The following ROR1 variants were observed in gnomAD, a reference collection of about 807,000 sequenced individuals.
ROR1 encodes inactive tyrosine-protein kinase transmembrane receptor ROR1.
ROR1 carries 19 observed loss-of-function variants against 78.8 expected under a neutral mutation model. The ratio of observed to expected loss-of-function variants is 0.24; its 90% CI spans 0.17 to 0.35. The LOEUF (loss-of-function observed/expected upper bound fraction) is 0.35, where lower values mean the gene tolerates loss of function less well. ROR1 is among the 10% of genes least tolerant of loss of function. The pLI, the probability that ROR1 is intolerant of heterozygous loss-of-function variation, is 1.00. For synonymous variants in ROR1, 386 were observed against 433.6 expected (o/e 0.89, Z 1.36); for missense variants, 917 against 1,177.8 (o/e 0.78, Z 3.24).
intron 4 of ROR1, among the ~76,000 whole-genome samples, chr1:64,132,897 T>C (rs563576283): frequency 2.0e-4 from 30 of 152,064 alleles, no homozygotes; most frequent in Admixed American, 5.2e-4. Context: ...TATATTCTGA[T>C]GAGGAAGAAA....
intron 8 of ROR1, among the ~76,000 whole-genome samples, chr1:64,170,374 G>A (rs539518702): frequency 1.3e-4 from 20 of 152,270 alleles, no homozygotes; most frequent in South Asian, 4.1e-4. Flanking sequence ...GCCACAGCAC[G>A]AGCTGTACCT....
chr1:64,011,745 A>C (rs1201212548), intron 2 of ROR1, among the ~76,000 whole-genome samples: 1 of 152,210 alleles, frequency 6.6e-6, no homozygotes, highest in African/African-American at 2.4e-5. Flanking sequence ...CTTTCTCTAG[A>C]AGGTAATTAG....
At chr1:63,845,994 T>C (rs531597635) in intron 1 of ROR1, among the ~76,000 whole-genome samples, 1 of 152,326 alleles carries the variant, frequency 6.6e-6, no homozygotes, top group Admixed American at 6.5e-5. Context: ...TCTGGAATAC[T>C]GATTTTTGGG....
chr1:63,806,567 C>T (rs765455745), intron 1 of ROR1, among the ~76,000 whole-genome samples: 21 of 152,210 alleles, frequency 1.4e-4, no homozygotes, highest in East Asian at 1.9e-4. Flanking sequence ...TCCGCCCGCC[C>T]TGGCCTCCCA....
At chr1:64,058,970 A>G (rs908625991) in intron 4 of ROR1, among the ~76,000 whole-genome samples, 2 of 152,118 alleles carry the variant, frequency 1.3e-5, no homozygotes, top group Admixed American at 6.5e-5. Flanking sequence ...TCATCATGGG[A>G]AGTTTTAAAA....
rs188211196 is a variant in ROR1 at position 63,942,965 on chromosome 1, C to G, written c.92-66340C>G. On this transcript the variant is annotated intron_variant, in intron 1 of 8. Transcript: ENST00000371079. ...ATTAGCCAGGCATGGTGGAGCGTGACGATTGTCCCAGCTACTCAGGAGGCT... is the reference window on the plus strand; with the variant it reads ...ATTAGCCAGGCATGGTGGAGCGTGAGGATTGTCCCAGCTACTCAGGAGGCT... Among the ~76,000 whole-genome samples, 12 of 151,896 alleles carry G rather than the reference C, an allele frequency of 7.9e-5. No homozygotes were observed. In the South Asian group the frequency reaches 2.5e-3, roughly 32 times the overall value.
chr1:63,983,360 G>C (rs1353808668), intron 1 of ROR1, among the ~76,000 whole-genome samples: 1 of 152,180 alleles, frequency 6.6e-6, no homozygotes, highest in African/African-American at 2.4e-5. Flanking sequence ...GATCTGATTG[G>C]TCTTGAGAAT....
Position 63,774,554 on chromosome 1 carries a change from G to A in ROR1, c.91+46G>A. The A allele has an allele frequency of 4.4e-6, 4 of 914,024 alleles. No individual in the cohort carries two copies. Among genetic ancestry groups the A allele is most frequent in the Non-Finnish European group, 5.2e-6 (4 of 768,434 alleles). The allele number at this position is 914,024 out of a possible 1,614,324, so 56.6% of individuals were successfully genotyped here. On this transcript the variant is annotated intron_variant, in intron 1 of 8. Transcript: ENST00000371079. This position sits in a 1 kb window ranked among gnomAD's most constrained non-coding sequence, Gnocchi z 5.7. ...CCCGCCCGCCCAGACCCCCTGACCCGTGGCCACCCTTCCGCCGTCCAGCCG... is the reference window on the plus strand; with the variant it reads ...CCCGCCCGCCCAGACCCCCTGACCCATGGCCACCCTTCCGCCGTCCAGCCG...
At chr1:63,995,215 A>T (rs1646327512) in intron 1 of ROR1, among the ~76,000 whole-genome samples, 1 of 152,144 alleles carries the variant, frequency 6.6e-6, no homozygotes, top group Non-Finnish European at 1.5e-5. Context: ...TTACATGGAA[A>T]ATTATTTTTT....
chr1:63,850,392 G>T (rs1213544794), intron 1 of ROR1, among the ~76,000 whole-genome samples: 1 of 152,214 alleles, frequency 6.6e-6, no homozygotes. Context: ...AAATACCTAG[G>T]AATAGAATAG....
rs765896803 is a variant in ROR1, at chr1:63,774,350, G to A, written c.-68G>A. ...CGGGACGAGGCGGCCGGGAGCCCGGGAAGAGCCCGTGGATGTTCTGCGCGC... is the reference window on the plus strand; with the variant it reads ...CGGGACGAGGCGGCCGGGAGCCCGGAAAGAGCCCGTGGATGTTCTGCGCGC... On this transcript the variant is annotated 5_prime_UTR_variant, in exon 1 of 9. Coordinates refer to ENST00000371079, the MANE Select transcript of ROR1 (RefSeq NM_005012.4). The surrounding 1 kb of genome is among the most constrained non-coding windows in gnomAD (Gnocchi z 5.7). The A allele has an allele frequency of 1.1e-5, 12 of 1,073,664 alleles. No homozygotes were observed. In the South Asian group the frequency reaches 2.0e-4, roughly 18 times the overall value. 66.5% of individuals were successfully genotyped at this position (1,073,664 alleles called of 1,614,324 possible).
At chr1:64,016,733 T>TATATATATATATATATATATATA (rs1553151713) in intron 2 of ROR1, among the ~76,000 whole-genome samples, 1 of 140,582 alleles carries the variant, frequency 7.1e-6, no homozygotes, top group African/African-American at 2.6e-5. Context: ...TAAAATATAA[T>TATATATATATATATATATATATA]TATATATATA....
chr1:63,931,723 C>T (rs774730665), intron 1 of ROR1, among the ~76,000 whole-genome samples: 3 of 152,146 alleles, frequency 2.0e-5, no homozygotes, highest in Non-Finnish European at 4.4e-5. Flanking sequence ...TCAGATAGAT[C>T]CTCACAGTGT....
intron 2 of ROR1, among the ~76,000 whole-genome samples, chr1:64,036,540 C>A (rs1467826872): frequency 6.6e-6 from 1 of 152,112 alleles, no homozygotes; most frequent in Non-Finnish European, 1.5e-5. Flanking sequence ...TGTGATAATC[C>A]ATGTTCATAT....
chr1:64,025,585 A>T (rs1372183589), intron 2 of ROR1, among the ~76,000 whole-genome samples: 1 of 142,734 alleles, frequency 7.0e-6, no homozygotes. Context: ...AAATTGTGAG[A>T]TATATATATA....
At chr1:63,798,923 G>T (rs979263533) in intron 1 of ROR1, among the ~76,000 whole-genome samples, 1 of 152,116 alleles carries the variant, frequency 6.6e-6, no homozygotes, top group African/African-American at 2.4e-5. Flanking sequence ...CCTATTTTTG[G>T]TGTCAGCACC....
intron 1 of ROR1, chr1:63,789,403 C>G (rs1395864814): frequency 2.0e-5 from 7 of 343,510 alleles, no homozygotes; most frequent in African/African-American, 1.5e-4. Context: ...ATGGGGACAC[C>G]TGAGCACTGC....
At chr1:63,995,453 T>C (rs1646329348) in intron 1 of ROR1, among the ~76,000 whole-genome samples, 2 of 152,208 alleles carry the variant, frequency 1.3e-5, no homozygotes, top group South Asian at 4.1e-4. Flanking sequence ...TAATAGGCAG[T>C]TCTCCGTAGC....
chr1:64,164,213 C>T (rs1212163100), intron 8 of ROR1, among the ~76,000 whole-genome samples: 3 of 152,168 alleles, frequency 2.0e-5, no homozygotes, highest in Admixed American at 1.3e-4. Context: ...ATTTCCCAAC[C>T]TGGAAGGCCC....
Sources: gnomAD v4.1 joint callset for allele counts (sites outside exome capture counted in the v4.1 genomes callset) on GRCh38, gnomAD v4.1.1 for gene constraint, Gnocchi (gnomAD v3.1) non-coding constraint, MANE v1.5 for transcripts, NCBI Gene and HGNC (gene_info 2026-07-23, HGNC 2026-07-21) for gene names.